Variants in CRADD observed in about 807,000 individuals in gnomAD.
CRADD encodes the protein death domain-containing protein CRADD.
A neutral mutation model predicts 15.5 loss-of-function variants in CRADD; 9 were observed. The observed-to-expected ratio is 0.58, with a 90% CI of 0.35 to 1.01. The LOEUF (loss-of-function observed/expected upper bound fraction) is 1.01, where lower values mean the gene tolerates loss of function less well. Ranked by LOEUF, CRADD falls within the 50% of genes least tolerant of loss-of-function variation. The pLI is 0.02. For missense variants in CRADD, 227 were observed against 250.3 expected (o/e 0.91, Z 0.63); for synonymous variants, 118 against 107.6 (o/e 1.10, Z -0.60).
intron 2 of CRADD, among the ~76,000 whole-genome samples, chr12:93,821,634 T>C (rs1957770576): frequency 6.6e-6 from 1 of 152,222 alleles, no homozygotes; most frequent in South Asian, 2.1e-4. Context: ...AAGATGGTAT[T>C]CTAAGAATAT....
intron 2 of CRADD, among the ~76,000 whole-genome samples, chr12:93,814,754 A>G (rs1957672124): frequency 6.6e-6 from 1 of 152,226 alleles, no homozygotes; most frequent in Non-Finnish European, 1.5e-5. Context: ...AGCATCTCAG[A>G]AGACAAGTCA....
rs575816001 is a variant in CRADD, at chr12:93,872,470, A to G, written c.299-21580A>G. On this transcript the variant is annotated intron_variant, in intron 2 of 2. Transcript: ENST00000548483. ...TTGCTTGTGGGGTATTGCTCAATAA[A>G]TTTTTGCCCAGGCCAATGTTCTGGA... Among the ~76,000 whole-genome samples the G allele has an allele frequency of 4.9e-4, 75 of 152,152 alleles. 1 individual carries two copies. Among genetic ancestry groups the G allele is most frequent in the African/African-American group, 1.7e-3 (70 of 41,524 alleles).
chr12:93,738,290 C>T (rs1468041177), intron 2 of CRADD: 2 of 686,216 alleles, frequency 2.9e-6, no homozygotes, highest in African/African-American at 3.5e-5. Context: ...GGGATGAGGA[C>T]CTGAAGGAGG....
Position 93,824,650 on chromosome 12 carries a change from G to A in CRADD, c.299-25320G>A, listed in dbSNP as rs960265125. 2.0e-5 allele frequency among the ~76,000 whole-genome samples: 3 copies of A among 152,278 alleles called. No homozygotes were observed. Among genetic ancestry groups the A allele is most frequent in the Non-Finnish European group, 2.9e-5 (2 of 68,022 alleles). ...TGCATCATTCTATGATACATTATCCGAGCTGAAGCTGAAACCTAGCCTTCT... is the reference window on the plus strand; with the variant it reads ...TGCATCATTCTATGATACATTATCCAAGCTGAAGCTGAAACCTAGCCTTCT... On this transcript the variant is annotated intron_variant, in intron 2 of 2. Transcript: ENST00000332896. The surrounding 1 kb of genome is among the most constrained non-coding windows in gnomAD (Gnocchi z 4.3).
chr12:93,864,817 T>G (rs935326691), intron 2 of CRADD, among the ~76,000 whole-genome samples: 1 of 152,212 alleles, frequency 6.6e-6, no homozygotes, highest in African/African-American at 2.4e-5. Context: ...CTTACACATG[T>G]TTCTTATGCA....
intron 2 of CRADD, among the ~76,000 whole-genome samples, chr12:93,742,654 C>T (rs868365188): frequency 5.9e-5 from 9 of 152,280 alleles, no homozygotes; most frequent in Middle Eastern, 6.8e-3. Flanking sequence ...CTGAGTGAAA[C>T]GTAAATCTTG....
At chr12:93,712,874 G>T (rs866578070) in intron 2 of CRADD, among the ~76,000 whole-genome samples, 1 of 152,100 alleles carries the variant, frequency 6.6e-6, no homozygotes, top group Non-Finnish European at 1.5e-5. Context: ...GAGAAAAGAG[G>T]CCTGGAGAAA....
chr12:93,774,564 G>T (rs1444015638), intron 2 of CRADD, among the ~76,000 whole-genome samples: 1 of 152,144 alleles, frequency 6.6e-6, no homozygotes, highest in Non-Finnish European at 1.5e-5. Context: ...TTAGGAGGTG[G>T]GAGGGGGGTT....
chr12:93,860,166 TATAAG>T (rs1308289067), intron 2 of CRADD, among the ~76,000 whole-genome samples: 1 of 151,644 alleles, frequency 6.6e-6, no homozygotes, highest in Non-Finnish European at 1.5e-5. Context: ...AAGGTTTAGG[TATAAG>T]ATATCAGAAT....
chr12:93,827,509 C>T (rs7304935), intron 2 of CRADD, among the ~76,000 whole-genome samples: 100,246 of 152,010 alleles, frequency 0.66, 33,142 homozygotes, highest in Middle Eastern at 0.72. Flanking sequence ...ATAAAGCTGC[C>T]GGGAACATTC....
At position 93,818,844 on chromosome 12, in the gene CRADD, G is replaced by A. The variant is rs377150070; in HGVS notation, c.299-31126G>A. Among the ~76,000 whole-genome samples the A allele has an allele frequency of 6.6e-5, 10 of 152,324 alleles. 1 individual carries two copies. The East Asian group carries it at 1.4e-3, about 21-fold the overall frequency. On this transcript the variant is annotated intron_variant, in intron 2 of 2. Transcript: ENST00000332896. ...GAGACAGAGCATGATCCAAAACCTC[G>A]TGAGAGGCGGCCTGGCCCCACAGCA...
rs533709520 is a variant in CRADD, at chr12:93,864,213, C to A, written c.299-29837C>A. Among the ~76,000 whole-genome samples the A allele has an allele frequency of 2.6e-5, 4 of 152,280 alleles. No homozygotes were observed. In the South Asian group the frequency reaches 8.3e-4, roughly 32 times the overall value. ...GGATTACAGGTGTGTGTCACCACGC[C>A]TGGCTCATTTTTATATTTTTTGTAG... On this transcript the variant is annotated intron_variant, in intron 2 of 2. Transcript: ENST00000548483.
At chr12:93,763,158 G>C (rs527776235) in intron 2 of CRADD, among the ~76,000 whole-genome samples, 1 of 152,240 alleles carries the variant, frequency 6.6e-6, no homozygotes, top group Non-Finnish European at 1.5e-5. Flanking sequence ...AAGTTAGCCT[G>C]TTGTAGGCCA....
At chr12:93,696,500 A>G (rs998911472) in intron 2 of CRADD, among the ~76,000 whole-genome samples, 2 of 152,252 alleles carry the variant, frequency 1.3e-5, no homozygotes, top group Non-Finnish European at 2.9e-5. Context: ...CAGATACCAT[A>G]TAATCTCACT....
intron 2 of CRADD, among the ~76,000 whole-genome samples, chr12:93,838,753 T>G (rs395965): frequency 1.3e-5 from 2 of 151,926 alleles, no homozygotes; most frequent in Non-Finnish European, 2.9e-5. Flanking sequence ...GTTTTGGACA[T>G]ACATTCTTTT....
At chr12:93,886,549 G>A (rs1243406746) in intron 2 of CRADD, among the ~76,000 whole-genome samples, 1 of 152,056 alleles carries the variant, frequency 6.6e-6, no homozygotes, top group Non-Finnish European at 1.5e-5. Flanking sequence ...ACATGATTTT[G>A]TTTCACCTGA....
chr12:93,681,675 C>T (rs142165221), intron 2 of CRADD, among the ~76,000 whole-genome samples: 9 of 152,242 alleles, frequency 5.9e-5, no homozygotes, highest in South Asian at 2.1e-4. Context: ...AATAATATTA[C>T]GATTGCCTTT....
chr12:93,868,350 T>G (rs1438351535), intron 2 of CRADD, among the ~76,000 whole-genome samples: 1 of 152,150 alleles, frequency 6.6e-6, no homozygotes, highest in East Asian at 1.9e-4. Flanking sequence ...AGAAACTAAT[T>G]TAGTATCTCT....
At chr12:93,758,230 G>A (rs1044803117) in intron 2 of CRADD, among the ~76,000 whole-genome samples, 2 of 152,174 alleles carry the variant, frequency 1.3e-5, no homozygotes, top group Non-Finnish European at 2.9e-5. Flanking sequence ...GATGTTTTGA[G>A]ATTAGAGTTT....
Sources: allele counts gnomAD v4.1 joint callset (sites outside exome capture counted in the v4.1 genomes callset), GRCh38; gene constraint gnomAD v4.1.1; non-coding constraint Gnocchi (gnomAD v3.1); transcripts MANE v1.5; gene names NCBI Gene and HGNC (gene_info 2026-07-23, HGNC 2026-07-21).